GALNTL6: variants seen among roughly 807,000 people sequenced by gnomAD.
The protein encoded by GALNTL6 is polypeptide N-acetylgalactosaminyltransferase like 6.
GALNTL6 carries 46 observed loss-of-function variants against 73.7 expected under a neutral mutation model. The ratio of observed to expected loss-of-function variants is 0.62; its 90% confidence interval spans 0.49 to 0.80. The LOEUF (loss-of-function observed/expected upper bound fraction) is 0.80. Among genes scored for constraint, GALNTL6 ranks in the 30% least tolerant of loss-of-function variants. The pLI is 0.00. For synonymous variants in GALNTL6, 259 were observed against 263.7 expected (o/e 0.98, Z 0.17); for missense variants, 604 against 755.0 (o/e 0.80, Z 2.34).
At chr4:172,487,093 T>C (rs337988) in intron 5 of GALNTL6, among the ~76,000 whole-genome samples, 16,855 of 152,138 alleles carry the variant, frequency 0.11, 995 homozygotes, top group East Asian at 0.23. Context: ...GGCTAAGTAA[T>C]AAATTTTCAA....
At chr4:171,929,317 G>C (rs6840431) in intron 2 of GALNTL6, among the ~76,000 whole-genome samples, 87,511 of 152,002 alleles carry the variant, frequency 0.58, 27,723 homozygotes, top group African/African-American at 0.85. Flanking sequence ...GGTGATCTTA[G>C]TGCCTCAGCC....
rs535412571 is a variant in GALNTL6, at chr4:172,572,499, A to G, written c.553+223810A>G. On this transcript the variant is annotated intron_variant, in intron 5 of 12. Coordinates refer to ENST00000506823, the MANE Select transcript of GALNTL6 (RefSeq NM_001034845.3). The stretch of plus-strand genomic sequence containing the variant: ...GTCTGACCTCACACCTGCAGGCTGA[A>G]CCTCTGCTATACACTCTCCCACTTA... Among the ~76,000 whole-genome samples the G allele has an allele frequency of 4.6e-5, 7 of 152,270 alleles. No homozygotes were observed. In the East Asian group the frequency reaches 1.4e-3, roughly 29 times the overall value.
At chr4:172,223,884 T>C (rs1035273428) in intron 2 of GALNTL6, among the ~76,000 whole-genome samples, 4 of 152,114 alleles carry the variant, frequency 2.6e-5, no homozygotes, top group Admixed American at 6.6e-5. Context: ...CCTCCCATTG[T>C]GTTAGTTTTT....
intron 5 of GALNTL6, among the ~76,000 whole-genome samples, chr4:172,537,799 T>G (rs929177009): frequency 6.6e-6 from 1 of 152,218 alleles, no homozygotes; most frequent in Non-Finnish European, 1.5e-5. Flanking sequence ...AATCAAAGTA[T>G]ATAAATCTAG....
chr4:172,386,042 G>T (rs1428597763), intron 5 of GALNTL6, among the ~76,000 whole-genome samples: 1 of 151,912 alleles, frequency 6.6e-6, no homozygotes, highest in Non-Finnish European at 1.5e-5. Context: ...TTTGTTCTAT[G>T]TACTCCTGCT....
chr4:172,918,879 A>G (rs1337692696), intron 8 of GALNTL6, among the ~76,000 whole-genome samples: 1 of 152,250 alleles, frequency 6.6e-6, no homozygotes, highest in East Asian at 1.9e-4. Context: ...AAGTGTATCA[A>G]CTTTTCCTAG....
At chr4:171,849,658 A>G (rs1735466831) in intron 2 of GALNTL6, among the ~76,000 whole-genome samples, 1 of 152,170 alleles carries the variant, frequency 6.6e-6, no homozygotes, top group Non-Finnish European at 1.5e-5. Context: ...ATAATAATTT[A>G]TTTATCTGTA....
intron 5 of GALNTL6, among the ~76,000 whole-genome samples, chr4:172,565,118 A>G (rs923218406): frequency 6.6e-6 from 1 of 152,174 alleles, no homozygotes; most frequent in African/African-American, 2.4e-5. Flanking sequence ...AATTCCTTTC[A>G]ACCTCTTTTA....
intron 5 of GALNTL6, among the ~76,000 whole-genome samples, chr4:172,626,800 T>C (rs1392690615): frequency 6.6e-6 from 1 of 152,134 alleles, no homozygotes; most frequent in Non-Finnish European, 1.5e-5. Flanking sequence ...AGCTTGAACA[T>C]TATTGTTGCA....
chr4:172,570,419 A>C (rs1002704244), intron 5 of GALNTL6, among the ~76,000 whole-genome samples: 1 of 152,154 alleles, frequency 6.6e-6, no homozygotes, highest in Admixed American at 6.5e-5. Context: ...CTCAAAATGC[A>C]TATGTTGAAG....
At chr4:172,658,149 CAAAAAA>C (rs58279803) in intron 5 of GALNTL6, among the ~76,000 whole-genome samples, 1 of 5,012 alleles carries the variant, frequency 2.0e-4, no homozygotes, top group Non-Finnish European at 3.4e-4. Context: ...GACTCCGTCT[CAAAAAA>C]AAAAAAAAAA....
chr4:171,884,364 A>G (rs770798011), intron 2 of GALNTL6, among the ~76,000 whole-genome samples: 4 of 152,156 alleles, frequency 2.6e-5, no homozygotes, highest in Non-Finnish European at 5.9e-5. Context: ...AGTTCTTTAC[A>G]TGCATTAACT....
chr4:172,757,805 C>T (rs751061442), intron 5 of GALNTL6, among the ~76,000 whole-genome samples: 17 of 152,088 alleles, frequency 1.1e-4, no homozygotes, highest in South Asian at 2.1e-4. Context: ...GATGTTACGT[C>T]CCATGTGTTT....
chr4:172,290,449 G>T (rs1019386732), intron 3 of GALNTL6, among the ~76,000 whole-genome samples: 7 of 152,042 alleles, frequency 4.6e-5, no homozygotes, highest in Non-Finnish European at 8.8e-5. Context: ...ATCTTAAGTA[G>T]CAAGCAGCAA....
intron 8 of GALNTL6, among the ~76,000 whole-genome samples, chr4:172,914,521 A>G (rs1181771764): frequency 6.6e-6 from 1 of 152,236 alleles, no homozygotes; most frequent in Non-Finnish European, 1.5e-5. Context: ...ATGCAGAGAC[A>G]TAGATAAGCT....
chr4:171,839,213 C>G (rs1373806071), intron 2 of GALNTL6, among the ~76,000 whole-genome samples: 5 of 152,008 alleles, frequency 3.3e-5, no homozygotes, highest in Non-Finnish European at 7.4e-5. Flanking sequence ...GGAGCATCTT[C>G]CAATACTGCA....
chr4:172,308,140 C>T (rs988326791), intron 3 of GALNTL6, among the ~76,000 whole-genome samples: 1 of 144,440 alleles, frequency 6.9e-6, no homozygotes, highest in Admixed American at 7.1e-5. Flanking sequence ...TATACCGAAA[C>T]TTTACTGAAT....
chr4:171,831,828 A>T (rs988489165), intron 2 of GALNTL6, among the ~76,000 whole-genome samples: 1 of 151,750 alleles, frequency 6.6e-6, no homozygotes, highest in African/African-American at 2.4e-5. Flanking sequence ...TAACTTTCTA[A>T]TGGTGTTACC....
chr4:172,145,325 A>G (rs1030997813), intron 2 of GALNTL6, among the ~76,000 whole-genome samples: 13 of 152,068 alleles, frequency 8.5e-5, no homozygotes, highest in African/African-American at 3.1e-4. Flanking sequence ...TATTTTTAGT[A>G]GAGATGTGGT....
Sources: allele counts gnomAD v4.1 joint callset (sites outside exome capture counted in the v4.1 genomes callset), GRCh38; gene constraint gnomAD v4.1.1; transcripts MANE v1.5; gene names NCBI Gene and HGNC (gene_info 2026-07-23, HGNC 2026-07-21).